The following TOP2A variants were observed in gnomAD, a reference collection of about 807,000 sequenced individuals.
TOP2A encodes DNA topoisomerase II alpha, also known as DNA topoisomerase 2-alpha.
Under a neutral mutation model 187.2 loss-of-function variants are expected in TOP2A, and 68 were observed. That is an observed-to-expected ratio of 0.36 (90% confidence interval 0.30 to 0.44). TOP2A has a LOEUF of 0.44. TOP2A is among the 20% of genes least tolerant of loss of function. TOP2A has a pLI of 1.00. For missense variants in TOP2A, 1,196 were observed against 1,808.7 expected (o/e 0.66, Z 6.14); for synonymous variants, 542 against 593.2 (o/e 0.91, Z 1.25).
Position 40,411,548 on chromosome 17 carries a change from G to A in TOP2A, c.964-93C>T. On this transcript the variant is annotated intron_variant, in intron 8 of 34. Coordinates refer to ENST00000423485, the MANE Select transcript of TOP2A (RefSeq NM_001067.4). This position sits in a 1 kb window ranked among gnomAD's most constrained non-coding sequence, Gnocchi z 4.4. ...ACTAATTTAACCTCCTTTATACTAA[G>A]CTAGCCCAATATTCAAGTCCACTTT... The A allele has an allele frequency of 6.5e-7, 1 of 1,543,686 alleles. No homozygotes were observed. The highest frequency in any genetic ancestry group is 8.9e-7 in the Non-Finnish European group (1 of 1,118,814).
At chr17:40,399,331 A>ATATCAGGC in intron 24 of TOP2A, 200 bp from the exon 25 acceptor site, 2 of 554,018 alleles carry the variant, frequency 3.6e-6, no homozygotes, top group Non-Finnish European at 6.4e-6. Context: ...GTCAAATCAT[A>ATATCAGGC]TATGATCAAA....
Position 40,396,421 on chromosome 17 carries a change from AG to A in TOP2A, c.3581del (p.Pro1194LeufsTer30). 6.2e-7 allele frequency: 1 copy of A among 1,613,792 alleles called. No individual in the cohort carries two copies. Among genetic ancestry groups the A allele is most frequent in the Non-Finnish European group, 8.5e-7 (1 of 1,179,818 alleles). On this transcript the variant is annotated frameshift_variant, in exon 28 of 35. Coordinates refer to ENST00000423485, the MANE Select transcript of TOP2A (RefSeq NM_001067.4). LOFTEE classifies it high-confidence loss of function. ...TCCCCTTGGCCTTCCCCCCTTTCCC[AG>A]GAAGTCCGACTTGTTCATCTTGTTT... ...KEKQDEQVGL[P>X]GKGGKAKGKK...
chr17:40,393,535 C>T (rs1239084210), intron 29 of TOP2A, among the ~76,000 whole-genome samples: 2 of 151,954 alleles, frequency 1.3e-5, no homozygotes, highest in African/African-American at 2.4e-5. Context: ...ATATATAGCT[C>T]AATCAGTGGA....
intron 4 of TOP2A, 114 bp from the exon 5 acceptor site, chr17:40,413,739 T>G (rs1365177521): frequency 3.8e-6 from 2 of 531,534 alleles, no homozygotes; most frequent in African/African-American, 4.0e-5. Context: ...CTGGGCGCGG[T>G]GGCCTGTGCC....
At chr17:40,417,064 C>T (rs925570970) in intron 1 of TOP2A, among the ~76,000 whole-genome samples, 169 bp from the exon 2 acceptor site, 14 of 152,236 alleles carry the variant, frequency 9.2e-5, no homozygotes, top group African/African-American at 3.4e-4. Context: ...AAATTCGCTG[C>T]GGCCAGGTCC....
intron 16 of TOP2A, 90 bp downstream of exon 16, chr17:40,406,294 C>A: frequency 1.3e-6 from 1 of 790,904 alleles, no homozygotes; most frequent in South Asian, 2.2e-5. Flanking sequence ...TTTTTTGATA[C>A]GGAGTCTTAT....
At position 40,391,526 on chromosome 17, in the gene TOP2A, A is replaced by T. The variant is rs749686674; in HGVS notation, c.4247T>A (p.Val1416Glu). Residue 1416 changes from valine to glutamate, a missense_variant, in exon 33 of 35, where the codon GTG (valine) becomes GAG (glutamate). By Grantham distance (121) the Val-to-Glu change is moderately radical. Around this residue, in one of 10 missense-constraint regions of TOP2A, gnomAD observed 374 missense variants for 403.3 expected, o/e 0.93. Coordinates refer to ENST00000423485, the MANE Select transcript of TOP2A (RefSeq NM_001067.4). ...CTTACTTTTTGCTGCTGTCTTCTTCACTGTCACATTCTTTTTAGGAACTGG... is the reference window on the plus strand; with the variant it reads ...CTTACTTTTTGCTGCTGTCTTCTTCTCTGTCACATTCTTTTTAGGAACTGG... ...TNPVPKKNVT[V>E]KKTAAKSQSS... 1 of 1,611,922 alleles carries T rather than the reference A, an allele frequency of 6.2e-7. No homozygotes were observed. Among genetic ancestry groups the T allele is most frequent in the East Asian group, 2.2e-5 (1 of 44,818 alleles).
At position 40,416,399 on chromosome 17, in the gene TOP2A, TTTATATTA is replaced by T; in HGVS notation, c.268+15_268+22del. The T allele has an allele frequency of 3.5e-6, 5 of 1,417,048 alleles. No individual in the cohort carries two copies. Among genetic ancestry groups the T allele is most frequent in the Non-Finnish European group, 4.9e-6 (5 of 1,029,324 alleles). The allele number at this position is 1,417,048 out of a possible 1,614,324, so 87.8% of individuals were successfully genotyped here. On this transcript the variant is annotated intron_variant, in intron 3 of 34. Coordinates refer to ENST00000423485, the MANE Select transcript of TOP2A (RefSeq NM_001067.4). ...TTCTTATGAAAGATTTGACCAGATC[TTTATATTA>T]AAGGATTTACTCACCTAGAATCTCA...
At position 40,396,350 on chromosome 17, in the gene TOP2A, CTT is replaced by C; in HGVS notation, c.3651_3652del (p.Arg1218SerfsTer18). 6.2e-7 allele frequency: 1 copy of C among 1,613,852 alleles called. No individual in the cohort carries two copies. On this transcript the variant is annotated frameshift_variant, in exon 28 of 35. Transcript: ENST00000423485. LOFTEE classifies it high-confidence loss of function. ...TTCTATGGTTATTCGTGGAATGACT[CTT>C]TGACCACGCGGAGAAGGCAAAACTT... is the stretch of plus-strand genomic sequence containing the variant.
intron 22 of TOP2A, 40 bp downstream of exon 22, chr17:40,400,489 T>G (rs943783502): frequency 6.2e-7 from 1 of 1,601,710 alleles, no homozygotes; most frequent in Non-Finnish European, 8.5e-7. Context: ...AGGTATTTCT[T>G]TTGATCACAA....
intron 3 of TOP2A, 122 bp downstream of exon 3, chr17:40,416,300 T>C: frequency 1.3e-6 from 1 of 765,860 alleles, no homozygotes; most frequent in Non-Finnish European, 2.1e-6. Context: ...GAGCCCTGGC[T>C]ACAGCAGGTT....
chr17:40,396,897 TTTG>T (rs1455957704), intron 27 of TOP2A, among the ~76,000 whole-genome samples: 1 of 151,150 alleles, frequency 6.6e-6, no homozygotes, highest in Admixed American at 6.6e-5. Context: ...TGGTTTTTTT[TTTG>T]TTTTTTTTTT....
chr17:40,408,967 G>GT, intron 10 of TOP2A: 1 of 442,392 alleles, frequency 2.3e-6, no homozygotes, highest in Non-Finnish European at 4.4e-6. Flanking sequence ...GGCCAAGGTG[G>GT]GCAGAACACC....
At chr17:40,398,012 AG>A (rs1467162869) in intron 27 of TOP2A, among the ~76,000 whole-genome samples, 1 of 151,644 alleles carries the variant, frequency 6.6e-6, no homozygotes, top group Non-Finnish European at 1.5e-5. Context: ...TCCCAACCTC[AG>A]GTGATCTGCC....
chr17:40,411,601 T>C lies in TOP2A; in HGVS notation c.963+44A>G. On this transcript the variant is annotated intron_variant, in intron 8 of 34. Transcript: ENST00000423485. This position sits in a 1 kb window ranked among gnomAD's most constrained non-coding sequence, Gnocchi z 4.4. The stretch of plus-strand genomic sequence containing the variant: ...ATATTAAAAACAATAAGAACACATA[T>C]ATGTAAAGATAAATCATGATTAATA... 1.9e-6 allele frequency: 3 copies of C among 1,577,974 alleles called. No individual in the cohort carries two copies. Among genetic ancestry groups the C allele is most frequent in the Non-Finnish European group, 2.6e-6 (3 of 1,154,478 alleles).
At position 40,404,800 on chromosome 17, in the gene TOP2A, C is replaced by T; in HGVS notation, c.2037G>A (p.Gly679=). The stretch of plus-strand genomic sequence containing the variant: ...TATTTAAAACTTTTACCTCAGGAAG[C>T]CCAAGTAACTTTCGTTGTCTTCTAT... ...MEDRRQRKLL[G]LPEDYLYGQT... The change falls in exon 17 of 35, where the codon GGG becomes GGA. Residue 679 remains glycine, a synonymous_variant. Coordinates refer to ENST00000423485, the MANE Select transcript of TOP2A (RefSeq NM_001067.4). The T allele has an allele frequency of 6.2e-7, 1 of 1,601,318 alleles. No individual in the cohort carries two copies. Among genetic ancestry groups the T allele is most frequent in the South Asian group, 1.1e-5 (1 of 89,206 alleles).
At chr17:40,409,738 TCACTG>T (rs1359871650) in intron 10 of TOP2A, 2 of 196,176 alleles carry the variant, frequency 1.0e-5, no homozygotes, top group African/African-American at 5.0e-5. Context: ...CAGGATTACG[TCACTG>T]CACTGTAGCC....
chr17:40,408,346 A>T, intron 11 of TOP2A, 146 bp downstream of exon 11: 1 of 921,394 alleles, frequency 1.1e-6, no homozygotes, highest in East Asian at 2.7e-5. Flanking sequence ...AATCTTCCAT[A>T]ATAGGAAACG....
intron 10 of TOP2A, 119 bp from the exon 11 acceptor site, chr17:40,408,749 GAAC>G: frequency 8.9e-7 from 1 of 1,127,982 alleles, no homozygotes; most frequent in Non-Finnish European, 1.3e-6. Context: ...AAAAGATGTA[GAAC>G]AATAATTTCT....
Sources: allele counts gnomAD v4.1 joint callset (sites outside exome capture counted in the v4.1 genomes callset), GRCh38; gene constraint gnomAD v4.1.1; regional missense constraint gnomAD v4.1.1; non-coding constraint Gnocchi (gnomAD v3.1); transcripts MANE v1.5; gene names NCBI Gene and HGNC (gene_info 2026-07-23, HGNC 2026-07-21).